SCARA5: variants seen among roughly 807,000 people sequenced by gnomAD.
SCARA5 encodes scavenger receptor class A member 5, also known as scavenger receptor class A, member 5 (putative).
In SCARA5, 45 loss-of-function variants were observed where a neutral mutation model predicts 46.3. That is an observed-to-expected ratio of 0.97 (90% CI 0.76 to 1.24). SCARA5 has a LOEUF of 1.24. SCARA5 is among the 50% of genes most tolerant of loss of function. SCARA5 has a pLI of 0.00. For synonymous variants in SCARA5, 333 were observed against 306.5 expected, an observed-to-expected ratio of 1.09 and a Z score of -0.90; for missense variants, 680 against 689.0, an observed-to-expected ratio of 0.99 and a Z score of 0.15.
chr8:27,930,044 C>G (rs941374679), intron 3 of SCARA5, among the ~76,000 whole-genome samples: 1 of 152,174 alleles, frequency 6.6e-6, no homozygotes, highest in Non-Finnish European at 1.5e-5. Flanking sequence ...ATGGTCCCCC[C>G]CAGTCCTGCA....
chr8:27,931,444 G>T lies in SCARA5; in HGVS notation c.242-9199C>A, dbSNP rs555692313. On this transcript the variant is annotated intron_variant, in intron 3 of 8. Transcript: ENST00000354914. ...CCCCAGAATGGGGTCCAGCCACCCAGTGCCTCACCCCTCCTCTCTATCCCC... is the reference window on the plus strand; with the variant it reads ...CCCCAGAATGGGGTCCAGCCACCCATTGCCTCACCCCTCCTCTCTATCCCC... Among the ~76,000 whole-genome samples the T allele has an allele frequency of 2.0e-5, 3 of 151,556 alleles. No individual in the cohort carries two copies. The East Asian group carries it at 5.9e-4, about 30-fold the overall frequency.
At chr8:27,914,822 A>C (rs1437870357) in intron 4 of SCARA5, among the ~76,000 whole-genome samples, 1 of 152,162 alleles carries the variant, frequency 6.6e-6, no homozygotes, top group Non-Finnish European at 1.5e-5. Flanking sequence ...TCCCACCAGA[A>C]GCATCTTCCC....
At chr8:27,882,770 G>A (rs753263490) in intron 7 of SCARA5, among the ~76,000 whole-genome samples, 1 of 152,222 alleles carries the variant, frequency 6.6e-6, no homozygotes, top group Non-Finnish European at 1.5e-5. Context: ...TGCTGGGTAG[G>A]TGGCAAATTA....
At chr8:27,876,950 C>T (rs895175206) in intron 8 of SCARA5, among the ~76,000 whole-genome samples, 28 of 152,094 alleles carry the variant, frequency 1.8e-4, no homozygotes, top group African/African-American at 6.8e-4. Context: ...TGCCTGCCGC[C>T]AGGAATGACA....
chr8:27,887,721 C>A, intron 7 of SCARA5, among the ~76,000 whole-genome samples: 1 of 152,168 alleles, frequency 6.6e-6, no homozygotes, highest in East Asian at 1.9e-4. Context: ...CTGGGGACCA[C>A]AAGCCCGAGA....
chr8:27,955,714 G>T (rs1043465115), intron 3 of SCARA5, among the ~76,000 whole-genome samples: 3 of 152,216 alleles, frequency 2.0e-5, no homozygotes, highest in African/African-American at 7.2e-5. Context: ...CCTCCTGGGT[G>T]CTTCCACCAA....
At chr8:27,933,939 AT>A (rs772127714) in intron 3 of SCARA5, among the ~76,000 whole-genome samples, 9 of 152,234 alleles carry the variant, frequency 5.9e-5, no homozygotes, top group Non-Finnish European at 1.2e-4. Context: ...TTGGGTATGC[AT>A]ACGGATGGAG....
chr8:27,923,841 G>T (rs927066826), intron 3 of SCARA5, among the ~76,000 whole-genome samples: 5 of 152,094 alleles, frequency 3.3e-5, no homozygotes, highest in Admixed American at 3.3e-4. Flanking sequence ...CCAAAGTGTT[G>T]GGATTACAGG....
At chr8:27,991,844 T>C (rs985678423) in intron 1 of SCARA5, among the ~76,000 whole-genome samples, 1 of 151,266 alleles carries the variant, frequency 6.6e-6, no homozygotes, top group Non-Finnish European at 1.5e-5. Context: ...CGCACAGACA[T>C]GCACACACAC....
intron 2 of SCARA5, among the ~76,000 whole-genome samples, chr8:27,978,502 CTTATTTATTTAT>C (rs369346257): frequency 6.6e-6 from 1 of 151,512 alleles, no homozygotes; most frequent in Non-Finnish European, 1.5e-5. Context: ...CATGGCTCAT[CTTATTTATTTAT>C]TTATTTATTT....
At chr8:27,904,210 A>G (rs948714857) in intron 7 of SCARA5, among the ~76,000 whole-genome samples, 1 of 152,168 alleles carries the variant, frequency 6.6e-6, no homozygotes, top group Non-Finnish European at 1.5e-5. Context: ...AACAAAGGCG[A>G]TGCCACTTTG....
intron 8 of SCARA5, among the ~76,000 whole-genome samples, chr8:27,875,812 T>C (rs1006796096): frequency 2.0e-5 from 3 of 152,114 alleles, no homozygotes; most frequent in African/African-American, 7.2e-5. Context: ...CTGGGCAACA[T>C]AGCAAGACCC....
chr8:27,905,248 G>T (rs562684317), intron 6 of SCARA5, among the ~76,000 whole-genome samples: 1 of 152,220 alleles, frequency 6.6e-6, no homozygotes, highest in South Asian at 2.1e-4. Flanking sequence ...TTTCTTGTGG[G>T]AGAGACCATA....
At position 27,984,748 on chromosome 8, in the gene SCARA5, TATTC is replaced by T. The variant is rs1260378379; in HGVS notation, c.112+2752_112+2755del. 3.3e-5 allele frequency among the ~76,000 whole-genome samples: 5 copies of T among 151,988 alleles called. No homozygotes were observed. In the East Asian group the frequency reaches 7.8e-4, roughly 24 times the overall value. On this transcript the variant is annotated intron_variant, in intron 2 of 8. Coordinates refer to ENST00000354914, the MANE Select transcript of SCARA5 (RefSeq NM_173833.6). ...TCTATCCATTCATTATTCATCCATT[TATTC>T]ATTCATTCACATATCCATTCATTCA...
intron 2 of SCARA5, among the ~76,000 whole-genome samples, chr8:27,977,012 C>G (rs1027667468): frequency 2.6e-5 from 4 of 152,214 alleles, no homozygotes; most frequent in African/African-American, 9.7e-5. Flanking sequence ...GGCTCATAAA[C>G]ACAAATGTAC....
rs533594456 is a variant in SCARA5, at chr8:27,942,358, A to G, written c.242-20113T>C. Among the ~76,000 whole-genome samples, 5 of 152,226 alleles carry G rather than the reference A, an allele frequency of 3.3e-5. No individual in the cohort carries two copies. The South Asian group carries it at 1.0e-3, about 32-fold the overall frequency. On this transcript the variant is annotated intron_variant, in intron 3 of 8. Transcript: ENST00000354914. ...ACTACTGCTCTCCCTAGAACTAGGT[A>G]GTTGCTTGATACTTTCCAAAGAGAT...
At chr8:27,941,896 G>A (rs867746114) in intron 3 of SCARA5, among the ~76,000 whole-genome samples, 4 of 150,962 alleles carry the variant, frequency 2.6e-5, no homozygotes, top group East Asian at 1.9e-4. Flanking sequence ...ATGTGATCTC[G>A]GCTCACTGCA....
At chr8:27,982,707 G>A (rs929416705) in intron 2 of SCARA5, among the ~76,000 whole-genome samples, 4 of 152,122 alleles carry the variant, frequency 2.6e-5, no homozygotes, top group Non-Finnish European at 4.4e-5. Context: ...GGCTCTAAAG[G>A]CATCAGAGAG....
At chr8:27,879,432 C>G in intron 8 of SCARA5, 137 bp downstream of exon 8, 1 of 789,480 alleles carries the variant, frequency 1.3e-6, no homozygotes, top group East Asian at 2.6e-5. Context: ...GCAGTGAGTT[C>G]TTATTGCAGC....
Sources: allele counts gnomAD v4.1 joint callset (sites outside exome capture counted in the v4.1 genomes callset), GRCh38; gene constraint gnomAD v4.1.1; transcripts MANE v1.5; gene names NCBI Gene and HGNC (gene_info 2026-07-23, HGNC 2026-07-21).